EXD3: variants seen among roughly 807,000 people sequenced by gnomAD.
EXD3 encodes the protein exonuclease mut-7 homolog.
A neutral mutation model predicts 98.0 loss-of-function variants in EXD3; 92 were observed. The observed-to-expected ratio is 0.94, with a 90% CI of 0.79 to 1.12. The LOEUF (loss-of-function observed/expected upper bound fraction) is 1.12, where lower values mean the gene tolerates loss of function less well. EXD3 is among the 50% of genes most tolerant of loss of function. The pLI, the probability that EXD3 is intolerant of heterozygous loss-of-function variation, is 0.00. For synonymous variants in EXD3, 569 were observed against 526.0 expected (o/e 1.08, Z -1.12); for missense variants, 1,222 against 1,191.6 (o/e 1.03, Z -0.38).
At chr9:137,357,335 C>T (rs1834844681) in intron 7 of EXD3, 1 of 152,186 alleles carries the variant, frequency 6.6e-6, no homozygotes, top group Non-Finnish European at 1.5e-5. Context: ...TTAGGAGTTT[C>T]CTTCCCTGCT....
intron 19 of EXD3, among the ~76,000 whole-genome samples, chr9:137,311,978 G>T (rs898017704): frequency 7.9e-5 from 12 of 152,184 alleles, no homozygotes; most frequent in Non-Finnish European, 1.8e-4. Context: ...CGGGGGCTGA[G>T]AGCCCCTGCC....
chr9:137,324,534 ATGAAGAAAACCC>A lies in EXD3; in HGVS notation c.1999-403_1999-392del, dbSNP rs1490687439. Among the ~76,000 whole-genome samples the A allele has an allele frequency of 2.0e-5, 3 of 152,294 alleles. No individual in the cohort carries two copies. In the East Asian group the frequency reaches 5.8e-4, roughly 29 times the overall value. ...ATAGGGAGCCAACTACACATCAAAAATGAAGAAAACCCTGCAATGACGATGCTCTGGGTGACA... is the reference window on the plus strand; with the variant it reads ...ATAGGGAGCCAACTACACATCAAAAATGCAATGACGATGCTCTGGGTGACA... On this transcript the variant is annotated intron_variant, in intron 17 of 21. Transcript: ENST00000340951. This position sits in a 1 kb window ranked among gnomAD's most constrained non-coding sequence, Gnocchi z 4.1.
intron 2 of EXD3, among the ~76,000 whole-genome samples, chr9:137,391,001 A>G (rs901798324): frequency 1.3e-5 from 2 of 152,200 alleles, no homozygotes; most frequent in Admixed American, 1.3e-4. Context: ...CTGGAGGCAG[A>G]TCTGGTGTCC....
At chr9:137,369,554 G>A (rs1368594569) in intron 5 of EXD3, among the ~76,000 whole-genome samples, 1 of 152,176 alleles carries the variant, frequency 6.6e-6, no homozygotes, top group Non-Finnish European at 1.5e-5. Context: ...CAGGGAGGCT[G>A]GGGACACAGC....
intron 2 of EXD3, among the ~76,000 whole-genome samples, chr9:137,386,554 C>T (rs374630852): frequency 2.6e-5 from 4 of 152,104 alleles, no homozygotes; most frequent in East Asian, 1.9e-4. Context: ...CACCCAGCCG[C>T]GCAACACGGC....
At chr9:137,340,559 T>C (rs1286057397) in intron 17 of EXD3, among the ~76,000 whole-genome samples, 2 of 152,002 alleles carry the variant, frequency 1.3e-5, no homozygotes, top group African/African-American at 4.8e-5. Context: ...GAGGTCTTGC[T>C]GTGTTGCCCA....
intron 17 of EXD3, among the ~76,000 whole-genome samples, chr9:137,340,419 G>A (rs1157942530): frequency 6.6e-6 from 1 of 152,106 alleles, no homozygotes; most frequent in Non-Finnish European, 1.5e-5. Context: ...AGAGGTTGCA[G>A]TGAGCCGAGA....
rs752099067 is a variant in EXD3 at position 137,352,679 on chromosome 9, G to A, written c.978C>T (p.Pro326=). 25 of 1,555,116 alleles carry A rather than the reference G, an allele frequency of 1.6e-5. No individual in the cohort carries two copies. The highest frequency in any genetic ancestry group is 1.2e-4 in the Admixed American group (6 of 51,214). ...CCACCGCAGCCGGCAGCCGCTCCTC[G>A]GGCAGCAAGAGTTCCATGGCACACT... ...AAQCAMELLL[P]EERLPAAVAV... The change falls in exon 11 of 22, where the codon CCC becomes CCT. Residue 326 remains proline, a synonymous_variant. Coordinates refer to ENST00000340951, the MANE Select transcript of EXD3 (RefSeq NM_017820.5).
rs572687849 is a variant in EXD3 at position 137,403,926 on chromosome 9, G to A, written c.-47-8522C>T. ...CCCACGCCATCTCTGCATAGACCCCGAAGGATGTGGAGTGTCCTCCAGGGC... is the reference window on the plus strand; with the variant it reads ...CCCACGCCATCTCTGCATAGACCCCAAAGGATGTGGAGTGTCCTCCAGGGC... On this transcript the variant is annotated intron_variant, in intron 1 of 21. Transcript: ENST00000340951. This position sits in a 1 kb window ranked among gnomAD's most constrained non-coding sequence, Gnocchi z 6.1. Among the ~76,000 whole-genome samples, 8 of 152,152 alleles carry A rather than the reference G, an allele frequency of 5.3e-5. No homozygotes were observed. The highest frequency in any genetic ancestry group is 2.1e-4 in the South Asian group (1 of 4,818).
chr9:137,327,855 T>C (rs796112699), intron 17 of EXD3, among the ~76,000 whole-genome samples: 1 of 22,658 alleles, frequency 4.4e-5, no homozygotes, highest in Non-Finnish European at 8.9e-5. Flanking sequence ...ACAACGAATA[T>C]ACTCCCACAT....
At chr9:137,353,086 G>C (rs973398903) in intron 10 of EXD3, 72 of 1,231,824 alleles carry the variant, frequency 5.8e-5, no homozygotes, top group Admixed American at 1.3e-4. Flanking sequence ...AGCCCCAGCT[G>C]GCCCCTCCTG....
intron 17 of EXD3, chr9:137,345,725 G>C (rs1337263042): frequency 6.6e-6 from 1 of 150,778 alleles, no homozygotes; most frequent in African/African-American, 2.4e-5. Context: ...GAAGCCAAAA[G>C]GATACCAAAG....
intron 7 of EXD3, 43 bp from the exon 8 acceptor site, chr9:137,356,411 T>G (rs1260355356): frequency 1.8e-5 from 22 of 1,235,786 alleles, no homozygotes; most frequent in African/African-American, 4.5e-5. Flanking sequence ...TGTTTTAAGT[T>G]AATACATTTT....
intron 8 of EXD3, among the ~76,000 whole-genome samples, chr9:137,355,874 G>C (rs1834755392): frequency 6.6e-6 from 1 of 152,176 alleles, no homozygotes; most frequent in Non-Finnish European, 1.5e-5. Flanking sequence ...GGAGCAAAGG[G>C]GACCTGGCTT....
Position 137,383,332 on chromosome 9 carries a change from G to T in EXD3, c.101C>A (p.Ser34Tyr). 2 of 1,550,334 alleles carry T rather than the reference G, an allele frequency of 1.3e-6. No homozygotes were observed. The highest frequency in any genetic ancestry group is 2.4e-5 in the South Asian group (2 of 83,950). Residue 34 changes from serine (S) to tyrosine (Y), a missense_variant, in exon 3 of 22, where the codon TCC becomes TAC. By Grantham distance (144) the Ser-to-Tyr change is moderately radical. Coordinates refer to ENST00000340951, the MANE Select transcript of EXD3 (RefSeq NM_017820.5). ...ACTCACCTGCTTCCGCTCCCGCGTG[G>T]ACCACAGGGTCTGCAGGGCCTGCAG... ...LLLQALQTLW[S>Y]TRERKQLREE...
At chr9:137,408,338 G>A (rs1259535580) in intron 1 of EXD3, among the ~76,000 whole-genome samples, 1 of 151,930 alleles carries the variant, frequency 6.6e-6, no homozygotes, top group Non-Finnish European at 1.5e-5. Context: ...CACGAGGTCA[G>A]GAGATCGAGA....
chr9:137,419,985 C>T (rs1838431919), intron 1 of EXD3, among the ~76,000 whole-genome samples: 2 of 151,966 alleles, frequency 1.3e-5, no homozygotes, highest in Admixed American at 6.6e-5. Context: ...CGGTGAAACC[C>T]CATCTCTACT....
intron 2 of EXD3, among the ~76,000 whole-genome samples, chr9:137,394,810 G>A (rs1406859921): frequency 1.3e-5 from 2 of 152,148 alleles, no homozygotes; most frequent in Non-Finnish European, 2.9e-5. Flanking sequence ...TTCTTAACTC[G>A]AAGGGATGAA....
chr9:137,395,456 A>G lies in EXD3; in HGVS notation c.-47-52T>C. 1.9e-6 allele frequency: 3 copies of G among 1,558,490 alleles called. No individual in the cohort carries two copies. Reference sequence around the variant, plus strand: ...GCAGAGCCCACTGCAACAGGCAGCCATGCAGAGCCCACGCCCACAGCCCCT... The same window carrying G: ...GCAGAGCCCACTGCAACAGGCAGCCGTGCAGAGCCCACGCCCACAGCCCCT... On this transcript the variant is annotated intron_variant, in intron 1 of 21. Coordinates refer to ENST00000340951, the MANE Select transcript of EXD3 (RefSeq NM_017820.5). This position sits in a 1 kb window ranked among gnomAD's most constrained non-coding sequence, Gnocchi z 6.5.
Sources: gnomAD v4.1 joint callset for allele counts (sites outside exome capture counted in the v4.1 genomes callset) on GRCh38, gnomAD v4.1.1 for gene constraint, Gnocchi (gnomAD v3.1) non-coding constraint, MANE v1.5 for transcripts, NCBI Gene and HGNC (gene_info 2026-07-23, HGNC 2026-07-21) for gene names.